The following TFR2 variants were observed in gnomAD, a reference collection of about 807,000 sequenced individuals.
TFR2 encodes the protein transferrin receptor 2.
Under a neutral mutation model 91.9 loss-of-function variants are expected in TFR2, and 64 were observed. That is an observed-to-expected ratio of 0.70 (90% CI 0.57 to 0.86). The LOEUF (loss-of-function observed/expected upper bound fraction) is 0.86, where lower values mean the gene tolerates loss of function less well. TFR2 is among the 40% of genes least tolerant of loss of function. The pLI is 0.00. For synonymous variants in TFR2, 454 were observed against 459.6 expected (o/e 0.99, Z 0.15); for missense variants, 950 against 1,080.5 (o/e 0.88, Z 1.69).
At chr7:100,627,884 C>A (rs781475554) in intron 13 of TFR2, 23 bp downstream of exon 13, 4 of 1,613,986 alleles carry the variant, frequency 2.5e-6, no homozygotes, top group Non-Finnish European at 3.4e-6. Context: ...CCCCTTCACC[C>A]CCTATTCCTG....
rs1258445531 is a variant in TFR2, at chr7:100,620,767, CT to C, written c.*89del. The C allele has an allele frequency of 1.9e-6, 3 of 1,566,378 alleles. No individual in the cohort carries two copies. The East Asian group carries it at 6.8e-5, about 35-fold the overall frequency. ...AAATTGATCAGCAATGAGAGGTGGA[CT>C]CTGAGCCACCTCCCTGACCCTGAAT... On this transcript the variant is annotated 3_prime_UTR_variant, in exon 18 of 18. Transcript: ENST00000223051.
rs573782227 is a variant in TFR2, at chr7:100,620,897, G to A, written c.2366C>T (p.Ala789Val). The change falls in exon 18 of 18, where the codon GCG becomes GTG. Residue 789 changes from alanine to valine, a missense_variant. Transcript: ENST00000223051. ...LTWTLQGAAN[A>V]LSGDVWNIDN... ...AATGTTCCAGACATCCCCGCTAAGC[G>A]CATTGGCTGCCCCTTGCAGCGTCCA... The A allele has an allele frequency of 3.0e-5, 48 of 1,614,018 alleles. No individual in the cohort carries two copies. The highest frequency in any genetic ancestry group is 1.2e-4 in the South Asian group (11 of 91,086).
chr7:100,631,657 C>G (rs893508590), intron 8 of TFR2, 149 bp downstream of exon 8: 1 of 1,098,268 alleles, frequency 9.1e-7, no homozygotes, highest in Non-Finnish European at 1.3e-6. Flanking sequence ...TCTCTGTCTC[C>G]CAGGCTGGAG....
chr7:100,622,533 C>G (rs866972885), intron 17 of TFR2, among the ~76,000 whole-genome samples: 1 of 152,322 alleles, frequency 6.6e-6, no homozygotes, highest in African/African-American at 2.4e-5. Context: ...GGCTCTTCCA[C>G]TTACTAACTA....
At chr7:100,634,609 A>G (rs1375147149) in intron 3 of TFR2, among the ~76,000 whole-genome samples, 5 of 152,160 alleles carry the variant, frequency 3.3e-5, no homozygotes, top group African/African-American at 1.2e-4. Flanking sequence ...GGGAGTGGGG[A>G]GGATCACTCA....
At chr7:100,623,293 G>A (rs1009920748) in intron 17 of TFR2, among the ~76,000 whole-genome samples, 3 of 152,068 alleles carry the variant, frequency 2.0e-5, no homozygotes, top group African/African-American at 7.2e-5. Flanking sequence ...AAAAACAAAT[G>A]GCAACTGCTA....
intron 17 of TFR2, 97 bp downstream of exon 17, chr7:100,626,666 G>C: frequency 7.3e-6 from 11 of 1,510,208 alleles, no homozygotes; most frequent in Non-Finnish European, 9.7e-6. Flanking sequence ...TGTAGGCGGG[G>C]AGAGAGAGGA....
In TFR2 at chr7:100,640,829, C is replaced by T. The variant is rs542567285; in HGVS notation, c.330G>A (p.Ala110=). The T allele has an allele frequency of 3.5e-5, 56 of 1,614,174 alleles. No homozygotes were observed. The highest frequency in any genetic ancestry group is 1.4e-4 in the South Asian group (13 of 91,088). The part of the protein sequence containing the change: ...GYVAFRGSCQ[A]CGDSVLVVSE... ...TGACCACCAACACAGAGTCTCCGCA[C>T]GCCTGGCAGGACCCTCGGAAGGCGA... The change falls in exon 3 of 18, where the codon GCG becomes GCA. Residue 110 remains alanine, a synonymous_variant. Transcript: ENST00000223051.
At chr7:100,636,170 C>CTTTTTTTTTTTT (rs10584926) in intron 3 of TFR2, among the ~76,000 whole-genome samples, 1 of 85,732 alleles carries the variant, frequency 1.2e-5, no homozygotes, top group Non-Finnish European at 2.1e-5. Context: ...CACCCTGCAT[C>CTTTTTTTTTTTT]TTTTTTTTTT....
rs1369977970 is a variant in TFR2, at chr7:100,626,920, C to T, written c.1996-17G>A. The T allele has an allele frequency of 1.3e-6, 2 of 1,519,024 alleles. No homozygotes were observed. Among genetic ancestry groups the T allele is most frequent in the Non-Finnish European group, 1.8e-6 (2 of 1,136,386 alleles). 94.1% of individuals were successfully genotyped at this position (1,519,024 alleles called of 1,614,324 possible). ...CCCGCGGGCCTGGGGTGGGGAGGCG[C>T]GGGCTGGGGCTGGCGGCAGGGGCCA... is the stretch of plus-strand genomic sequence containing the variant. On this transcript the variant is annotated splice_polypyrimidine_tract_variant and intron_variant, in intron 16 of 17. Transcript: ENST00000223051.
In TFR2 at chr7:100,631,025, T is replaced by G. The variant is rs748150579; in HGVS notation, c.1134A>C (p.Gln378His). The G allele has an allele frequency of 6.3e-7, 1 of 1,596,670 alleles. No individual in the cohort carries two copies. Among genetic ancestry groups the G allele is most frequent in the Non-Finnish European group, 8.5e-7 (1 of 1,173,486 alleles). ...LRKLKGPVAP[Q>H]EWQGSLLGSP... ...AGCCTAGGAGGCTCCCCTGCCATTC[T>G]TGGGGGGCCACAGGGCCTTTGAGCT... is the stretch of plus-strand genomic sequence containing the variant. The change falls in exon 9 of 18, where the codon CAA becomes CAC. Residue 378 changes from glutamine (Q) to histidine (H), a missense_variant. Coordinates refer to ENST00000223051, the MANE Select transcript of TFR2 (RefSeq NM_003227.4).
chr7:100,627,336 G>A lies in TFR2; in HGVS notation c.1923C>T (p.Leu641=), dbSNP rs760383272. The A allele has an allele frequency of 1.3e-6, 2 of 1,551,172 alleles. No individual in the cohort carries two copies. The highest frequency in any genetic ancestry group is 1.2e-5 in the South Asian group (1 of 84,100). Residue 641 remains leucine, a synonymous_variant, in exon 16 of 18, where the codon CTC becomes CTT. Coordinates refer to ENST00000223051, the MANE Select transcript of TFR2 (RefSeq NM_003227.4). ...IRLSHDRLLP[L]DFGRYGDVVL... ...CGACGTCCCCGTAGCGGCCGAAGTC[G>A]AGGGGCAGCAGGCGATCGTGGCTGA...
Position 100,632,133 on chromosome 7 carries a change from G to C in TFR2, c.915C>G (p.Ser305=), listed in dbSNP as rs555372856. The part of the protein sequence containing the change: ...VLIYPEPADF[S]QDPPKPSLSS... ...ACAGGCTTGGCTTGGGTGGGTCCTGGGAGAAGTCCGCTGGCTCTGGGTATA... is the reference window on the plus strand; with the variant it reads ...ACAGGCTTGGCTTGGGTGGGTCCTGCGAGAAGTCCGCTGGCTCTGGGTATA... The change falls in exon 7 of 18, where the codon TCC becomes TCG. Residue 305 remains serine (S), a synonymous_variant. Transcript: ENST00000223051. 3 of 1,614,078 alleles carry C rather than the reference G, an allele frequency of 1.9e-6. No individual in the cohort carries two copies. The East Asian group carries it at 6.7e-5, about 36-fold the overall frequency.
In TFR2 at chr7:100,640,965, A is replaced by T. The variant is rs1281853114; in HGVS notation, c.286+11T>A. 6.8e-6 allele frequency: 11 copies of T among 1,611,042 alleles called. No individual in the cohort carries two copies. Among genetic ancestry groups the T allele is most frequent in the Non-Finnish European group, 8.5e-6 (10 of 1,178,464 alleles). On this transcript the variant is annotated intron_variant, in intron 2 of 17. Coordinates refer to ENST00000223051, the MANE Select transcript of TFR2 (RefSeq NM_003227.4). ...AAGCCCTTCACTTCTGGGGAGGGGG[A>T]CGGCTCTCACCCCCAGTGAAGATCA...
Position 100,620,907 on chromosome 7 carries a change from C to A in TFR2, c.2356G>T (p.Ala786Ser). Residue 786 changes from alanine to serine, a missense_variant, in exon 18 of 18, where the codon GCA (alanine) becomes TCA (serine). Transcript: ENST00000223051. Reference protein sequence around the residue: ...LALLTWTLQGAANALSGDVWN... With the variant: ...LALLTWTLQGSANALSGDVWN... ...ACATCCCCGCTAAGCGCATTGGCTG[C>A]CCCTTGCAGCGTCCAGGTGAGCAGG... The A allele has an allele frequency of 6.2e-7, 1 of 1,614,038 alleles. No individual in the cohort carries two copies. The highest frequency in any genetic ancestry group is 1.7e-4 in the Middle Eastern group (1 of 6,058).
intron 8 of TFR2, 183 bp downstream of exon 8, chr7:100,631,623 C>CAA (rs368447138): frequency 3.6e-3 from 2,114 of 591,462 alleles, no homozygotes; most frequent in South Asian, 4.5e-3. Context: ...GACTCCATCT[C>CAA]AAAAAAAAAA....
At chr7:100,627,033 C>T in intron 16 of TFR2, 130 bp from the exon 17 acceptor site, 3 of 1,413,348 alleles carry the variant, frequency 2.1e-6, no homozygotes, top group Non-Finnish European at 2.8e-6. Context: ...AGGAGGTAGA[C>T]GAGGACAGAG....
intron 3 of TFR2, chr7:100,633,761 T>G: frequency 1.2e-6 from 1 of 800,678 alleles, no homozygotes; most frequent in Non-Finnish European, 1.8e-6. Flanking sequence ...CAGGCTGGAG[T>G]GCAGTGGACC....
chr7:100,631,270 C>CTGTGT (rs1482674527), intron 8 of TFR2, among the ~76,000 whole-genome samples: 2 of 149,468 alleles, frequency 1.3e-5, no homozygotes, highest in Non-Finnish European at 3.0e-5. Context: ...AGACAGTAGA[C>CTGTGT]CCTGGAGAAA....
Sources: allele counts gnomAD v4.1 joint callset (sites outside exome capture counted in the v4.1 genomes callset), GRCh38; gene constraint gnomAD v4.1.1; transcripts MANE v1.5; gene names NCBI Gene and HGNC (gene_info 2026-07-23, HGNC 2026-07-21).